CD99L2: variants seen among roughly 807,000 people sequenced by gnomAD.
CD99L2 encodes CD99 antigen-like protein 2.
Under a neutral mutation model 27.3 loss-of-function variants are expected in CD99L2, and 24 were observed. That is an observed-to-expected ratio of 0.88 (90% confidence interval 0.64 to 1.24). CD99L2 has a LOEUF of 1.24. Among genes scored for constraint, CD99L2 ranks in the 50% most tolerant of loss-of-function variants. The pLI, the probability that CD99L2 is intolerant of heterozygous loss-of-function variation, is 0.00. For missense variants in CD99L2, 255 were observed against 221.6 expected (o/e 1.15, Z -0.96); for synonymous variants, 97 against 87.9 (o/e 1.10, Z -0.58).
intron 1 of CD99L2, among the ~76,000 whole-genome samples, chrX:150,870,047 G>A (rs1557422149): frequency 9.0e-6 from 1 of 111,391 alleles, no homozygotes; most frequent in Admixed American, 9.5e-5. Context: ...TAGAATATAT[G>A]GTAATTCTGA....
At chrX:150,865,928 C>A (rs891357219) in intron 1 of CD99L2, among the ~76,000 whole-genome samples, 18 of 111,785 alleles carry the variant, frequency 1.6e-4, no homozygotes, top group Admixed American at 9.5e-5. Context: ...CGAGACCAGC[C>A]TGGCCAACGT....
At chrX:150,881,811 T>A (rs1198733907) in intron 1 of CD99L2, among the ~76,000 whole-genome samples, 1 of 105,442 alleles carries the variant, frequency 9.5e-6, no homozygotes, top group East Asian at 3.0e-4. Context: ...CAGTACTCTT[T>A]CCAATTTTTT....
intron 1 of CD99L2, among the ~76,000 whole-genome samples, chrX:150,856,003 C>T (rs2046881003): frequency 8.9e-6 from 1 of 112,269 alleles, no homozygotes; most frequent in African/African-American, 3.2e-5. Context: ...AAGTCCCTCC[C>T]CAGTCTGGCC....
chrX:150,776,985 G>A (rs954206238), intron 8 of CD99L2: 8 of 154,006 alleles, frequency 5.2e-5, no homozygotes, highest in Non-Finnish European at 8.5e-5. Context: ...CAGGTCATAG[G>A]GAGATAAGAG....
At chrX:150,846,861 A>G (rs1557421476) in intron 1 of CD99L2, among the ~76,000 whole-genome samples, 2 of 112,272 alleles carry the variant, frequency 1.8e-5, no homozygotes, top group East Asian at 5.6e-4. Flanking sequence ...ACAAATGCAC[A>G]TGGTATTTCC....
chrX:150,783,268 T>A (rs1455974200), intron 7 of CD99L2, among the ~76,000 whole-genome samples: 2 of 111,285 alleles, frequency 1.8e-5, no homozygotes, highest in African/African-American at 6.6e-5. Context: ...AACCTGCACG[T>A]TCTGCACATG....
In CD99L2 at chrX:150,824,871, G is replaced by A. The variant is rs1047330945; in HGVS notation, c.130+6360C>T. 3.6e-5 allele frequency among the ~76,000 whole-genome samples: 4 copies of A among 111,727 alleles called. No homozygotes were observed. The South Asian group carries it at 1.5e-3, about 41-fold the overall frequency. Reference sequence around the variant, plus strand: ...CTGTATTTGGAAGTTGAGAATATGGGAAGTCTTTCCCTTAAAATGATAATG... The same window carrying A: ...CTGTATTTGGAAGTTGAGAATATGGAAAGTCTTTCCCTTAAAATGATAATG... On this transcript the variant is annotated intron_variant, in intron 2 of 10. Coordinates refer to ENST00000370377, the MANE Select transcript of CD99L2 (RefSeq NM_031462.4).
intron 6 of CD99L2, 131 bp downstream of exon 6, chrX:150,795,075 A>C (rs2045771332): frequency 4.3e-6 from 3 of 703,249 alleles, no homozygotes; most frequent in Non-Finnish European, 6.5e-6. Flanking sequence ...CCAGACCAAA[A>C]AAGTTTGAGT....
intron 7 of CD99L2, among the ~76,000 whole-genome samples, chrX:150,781,788 C>T (rs946954281): frequency 1.8e-5 from 2 of 112,211 alleles, no homozygotes; most frequent in African/African-American, 3.2e-5. Flanking sequence ...AGGAACCTCT[C>T]TAGCTATAGC....
intron 8 of CD99L2, among the ~76,000 whole-genome samples, chrX:150,776,644 C>T (rs1001917690): frequency 9.8e-5 from 11 of 111,822 alleles, no homozygotes; most frequent in African/African-American, 2.9e-4. Context: ...ATGGCTACAC[C>T]CCTCTATTGG....
At chrX:150,820,625 C>T (rs2046230835) in intron 2 of CD99L2, among the ~76,000 whole-genome samples, 1 of 111,508 alleles carries the variant, frequency 9.0e-6, no homozygotes, top group Admixed American at 9.5e-5. Flanking sequence ...CAAGGATGTC[C>T]ACTCTTACCA....
chrX:150,790,100 A>G (rs73609521), intron 7 of CD99L2, among the ~76,000 whole-genome samples: 22,323 of 110,171 alleles, frequency 0.2, 1,674 homozygotes, highest in Middle Eastern at 0.28. Context: ...TGAAAAGCCT[A>G]TATACTGTAT....
chrX:150,768,678 C>G lies in CD99L2; in HGVS notation c.*356G>C, dbSNP rs1167647455. The stretch of plus-strand genomic sequence containing the variant: ...GGTCACAGTCCCTTGAGTTCAAACT[C>G]TTGTCCCCTAAGCATAAATGTCATC... On this transcript the variant is annotated 3_prime_UTR_variant, in exon 11 of 11. Coordinates refer to ENST00000370377, the MANE Select transcript of CD99L2 (RefSeq NM_031462.4). 1 of 224,693 alleles carries G rather than the reference C, an allele frequency of 4.5e-6. No homozygotes were observed. Among genetic ancestry groups the G allele is most frequent in the Non-Finnish European group, 7.9e-6 (1 of 127,144 alleles). The allele number at this position is 224,693 out of a possible 1,213,427, so 18.5% of individuals were successfully genotyped here.
intron 1 of CD99L2, among the ~76,000 whole-genome samples, chrX:150,867,651 T>C (rs1254456284): frequency 1.3e-4 from 14 of 109,995 alleles, no homozygotes; most frequent in Non-Finnish European, 2.7e-4. Context: ...CCCAGCACTT[T>C]GGGAGGCCGA....
chrX:150,854,313 C>G (rs2046837793), intron 1 of CD99L2, among the ~76,000 whole-genome samples: 1 of 111,908 alleles, frequency 8.9e-6, no homozygotes, highest in African/African-American at 3.3e-5. Flanking sequence ...CTCTGTCTGC[C>G]TCCACTTTGG....
intron 1 of CD99L2, among the ~76,000 whole-genome samples, chrX:150,840,648 T>C (rs1200903086): frequency 2.7e-5 from 3 of 112,256 alleles, no homozygotes; most frequent in Non-Finnish European, 5.6e-5. Flanking sequence ...GCTCAAGCAA[T>C]CTGCCTGCCT....
At chrX:150,786,459 G>A (rs1045815265) in intron 7 of CD99L2, among the ~76,000 whole-genome samples, 3 of 111,213 alleles carry the variant, frequency 2.7e-5, no homozygotes, top group Admixed American at 1.9e-4. Flanking sequence ...CCACTTATAA[G>A]TGAGAACATG....
chrX:150,834,107 G>A (rs899862914), intron 1 of CD99L2, among the ~76,000 whole-genome samples: 10 of 111,962 alleles, frequency 8.9e-5, no homozygotes, highest in African/African-American at 2.6e-4. Flanking sequence ...ATGGGCAAAG[G>A]CAAAGGAGCT....
chrX:150,888,074 C>G (rs1288141924), intron 1 of CD99L2, among the ~76,000 whole-genome samples: 2 of 111,861 alleles, frequency 1.8e-5, no homozygotes, highest in Non-Finnish European at 3.8e-5. Context: ...GATATATGTT[C>G]TCACTTTGAA....
Sources: allele counts gnomAD v4.1 joint callset (sites outside exome capture counted in the v4.1 genomes callset), GRCh38; gene constraint gnomAD v4.1.1; transcripts MANE v1.5; gene names NCBI Gene and HGNC (gene_info 2026-07-23, HGNC 2026-07-21).